Variants in SMARCA2 observed in about 807,000 individuals in gnomAD.
SMARCA2 encodes SWI/SNF-related matrix-associated actin-dependent regulator of chromatin subfamily A member 2.
Under a neutral mutation model 199.8 loss-of-function variants are expected in SMARCA2, and 61 were observed. The observed-to-expected ratio is 0.31, with a 90% confidence interval of 0.25 to 0.38. The LOEUF (loss-of-function observed/expected upper bound fraction) is 0.38. Among genes scored for constraint, SMARCA2 ranks in the 10% least tolerant of loss-of-function variants. SMARCA2 has a pLI of 1.00. For missense variants in SMARCA2, 1,344 were observed against 2,012.2 expected, an observed-to-expected ratio of 0.67 and a Z score of 6.35; for synonymous variants, 935 against 732.0, an observed-to-expected ratio of 1.28 and a Z score of -4.48.
In SMARCA2 at chr9:2,119,565, T is replaced by C. The variant is rs752032853; in HGVS notation, c.3762+30T>C. Reference sequence around the variant, plus strand: ...TGTTACAGAAAATCATGAACACAAATGCTTTATACCTCTGCCCCTTTTTCT... The same window carrying C: ...TGTTACAGAAAATCATGAACACAAACGCTTTATACCTCTGCCCCTTTTTCT... On this transcript the variant is annotated intron_variant, in intron 26 of 33. Coordinates refer to ENST00000349721, the MANE Select transcript of SMARCA2 (RefSeq NM_003070.5). This position sits in a 1 kb window ranked among gnomAD's most constrained non-coding sequence, Gnocchi z 4.6. The C allele has an allele frequency of 7.0e-7, 1 of 1,434,762 alleles. No individual in the cohort carries two copies. The highest frequency in any genetic ancestry group is 1.4e-5 in the African/African-American group (1 of 71,458). 88.9% of individuals were successfully genotyped at this position (1,434,762 alleles called of 1,614,324 possible). A position where few individuals can be genotyped will look rare whatever the true frequency, so the allele number is the denominator to read the frequency against.
At chr9:2,098,412 G>A (rs1317277069) in intron 21 of SMARCA2, among the ~76,000 whole-genome samples, 2 of 152,290 alleles carry the variant, frequency 1.3e-5, no homozygotes, top group South Asian at 2.1e-4. Flanking sequence ...GTACATGTCA[G>A]GTCAGAGTAT....
At chr9:2,042,700 C>T (rs1291698874) in intron 4 of SMARCA2, 5 of 149,748 alleles carry the variant, frequency 3.3e-5, no homozygotes, top group African/African-American at 1.2e-4. Context: ...CTACATCTTT[C>T]GTCATCAGGT....
intron 26 of SMARCA2, among the ~76,000 whole-genome samples, chr9:2,121,341 T>C (rs1823451766): frequency 6.6e-6 from 1 of 152,236 alleles, no homozygotes; most frequent in Admixed American, 6.5e-5. Flanking sequence ...ACACTTTTTG[T>C]AGGCACTTTG....
chr9:2,187,117 A>T (rs368270113), intron 32 of SMARCA2, among the ~76,000 whole-genome samples: 2 of 150,594 alleles, frequency 1.3e-5, no homozygotes, highest in Non-Finnish European at 3.0e-5. Context: ...TTTGCATAGA[A>T]TTTTTTTTTT....
At chr9:2,192,635 T>TTTG in intron 33 of SMARCA2, 69 bp from the exon 34 acceptor site, 1 of 1,089,402 alleles carries the variant, frequency 9.2e-7, no homozygotes, top group Non-Finnish European at 1.4e-6. Flanking sequence ...CTCTTGATGG[T>TTTG]TTGTTGTTAT....
At position 2,161,842 on chromosome 9, in the gene SMARCA2, C is replaced by G; in HGVS notation, c.4138C>G (p.Pro1380Ala). 6.2e-7 allele frequency: 1 copy of G among 1,614,014 alleles called. No individual in the cohort carries two copies. The highest frequency in any genetic ancestry group is 8.5e-7 in the Non-Finnish European group (1 of 1,179,924). ...TCCCGCTGAGAAACTGTCACCAAAT[C>G]CCCCCAAACTGACAAAGCAGATGAA... Reference protein sequence around the residue: ...RPPAEKLSPNPPKLTKQMNAI... With the variant: ...RPPAEKLSPNAPKLTKQMNAI... The change falls in exon 28 of 34, where the codon CCC becomes GCC. Residue 1380 changes from proline (P) to alanine (A), a missense_variant. Pro to Ala is a conservative substitution (Grantham distance 27, BLOSUM62 -1). Around this residue, in one of 18 missense-constraint regions of SMARCA2, gnomAD observed 151 missense variants for 154.0 expected, o/e 0.98. Transcript: ENST00000349721. This position sits in a 1 kb window ranked among gnomAD's most constrained non-coding sequence, Gnocchi z 4.7.
At chr9:2,188,506 T>C (rs1056665907) in intron 32 of SMARCA2, among the ~76,000 whole-genome samples, 6 of 152,238 alleles carry the variant, frequency 3.9e-5, no homozygotes, top group African/African-American at 1.4e-4. Flanking sequence ...GTTCTAGCAT[T>C]TGAATACATC....
At chr9:2,078,827 C>T (rs902391507) in intron 14 of SMARCA2, among the ~76,000 whole-genome samples, 1 of 151,962 alleles carries the variant, frequency 6.6e-6, no homozygotes, top group East Asian at 1.9e-4. Flanking sequence ...CACCTGTAGT[C>T]CCAGCTACTC....
intron 12 of SMARCA2, among the ~76,000 whole-genome samples, chr9:2,075,687 C>T (rs186855501): frequency 1.3e-5 from 2 of 152,210 alleles, no homozygotes; most frequent in African/African-American, 4.8e-5. Flanking sequence ...GACAGAGTTT[C>T]GCTCTTGTTG....
intron 27 of SMARCA2, among the ~76,000 whole-genome samples, chr9:2,140,930 A>G (rs573885966): frequency 6.6e-6 from 1 of 151,914 alleles, no homozygotes; most frequent in Non-Finnish European, 1.5e-5. Context: ...AAGGGCCATT[A>G]AGGGATACAT....
chr9:2,184,189 G>C (rs1292877822), intron 31 of SMARCA2, among the ~76,000 whole-genome samples: 3 of 152,028 alleles, frequency 2.0e-5, no homozygotes, highest in Non-Finnish European at 4.4e-5. Context: ...ACAGCCCATA[G>C]TCCATTCGGA....
chr9:2,070,348 G>C, intron 9 of SMARCA2, 70 bp from the exon 10 acceptor site: 1 of 1,228,256 alleles, frequency 8.1e-7, no homozygotes, highest in East Asian at 2.3e-5. Context: ...TTACATACCG[G>C]AGAGTTACCA....
chr9:2,117,851 T>C lies in SMARCA2; in HGVS notation c.3685-1607T>C, dbSNP rs190969433. On this transcript the variant is annotated intron_variant, in intron 25 of 33. Coordinates refer to ENST00000349721, the MANE Select transcript of SMARCA2 (RefSeq NM_003070.5). ...GTGTGTCAGAAAAATGTTGCCGTTT[T>C]CAGGGGGGCTTGTGTCCTGATGTAA... Among the ~76,000 whole-genome samples, 98 of 152,306 alleles carry C rather than the reference T, an allele frequency of 6.4e-4. 1 individual carries two copies. The highest frequency in any genetic ancestry group is 2.0e-3 in the African/African-American group (85 of 41,568).
At chr9:2,158,816 T>A in intron 27 of SMARCA2, 1 of 774,156 alleles carries the variant, frequency 1.3e-6, no homozygotes, top group Non-Finnish European at 2.0e-6. Context: ...GCGAAAAGCA[T>A]TGGGAAGTGT....
intron 27 of SMARCA2, among the ~76,000 whole-genome samples, chr9:2,135,521 T>G (rs946405391): frequency 6.6e-6 from 1 of 152,146 alleles, no homozygotes; most frequent in Non-Finnish European, 1.5e-5. Context: ...AGTTATATTA[T>G]CTTTAATTTG....
At chr9:2,015,948 C>T (rs917268665) in intron 1 of SMARCA2, 1 of 152,354 alleles carries the variant, frequency 6.6e-6, no homozygotes, top group African/African-American at 2.4e-5. Flanking sequence ...GGGCAACCCT[C>T]CCCGGAAGAG....
intron 3 of SMARCA2, among the ~76,000 whole-genome samples, chr9:2,038,675 A>G (rs964637247): frequency 6.6e-6 from 1 of 151,886 alleles, no homozygotes; most frequent in Non-Finnish European, 1.5e-5. Context: ...CCCCCCCTTT[A>G]CTGGCTGCCT....
At chr9:2,162,044 G>A in intron 28 of SMARCA2, 141 bp downstream of exon 28, 1 of 610,652 alleles carries the variant, frequency 1.6e-6, no homozygotes, top group South Asian at 2.5e-5. Context: ...TTCTCTCTTT[G>A]TACCTGTTTA....
At chr9:2,191,878 T>G (rs950272799) in intron 33 of SMARCA2, 2 of 153,230 alleles carry the variant, frequency 1.3e-5, no homozygotes, top group African/African-American at 4.8e-5. Flanking sequence ...AGGGGTGTTA[T>G]TTTTCATATT....
Sources: gnomAD v4.1 joint callset for allele counts (sites outside exome capture counted in the v4.1 genomes callset) on GRCh38, gnomAD v4.1.1 for gene constraint, gnomAD v4.1.1 regional missense constraint, Gnocchi (gnomAD v3.1) non-coding constraint, MANE v1.5 for transcripts, NCBI Gene and HGNC (gene_info 2026-07-23, HGNC 2026-07-21) for gene names.